The following ZW10 variants were observed in gnomAD, a reference collection of about 807,000 sequenced individuals.
ZW10 encodes centromere/kinetochore protein zw10 homolog.
In ZW10, 53 loss-of-function variants were observed where a neutral mutation model predicts 87.8. That is an observed-to-expected ratio of 0.60 (90% CI 0.48 to 0.76). ZW10 has a LOEUF of 0.76. Ranked by LOEUF, ZW10 falls within the 30% of genes least tolerant of loss-of-function variation. The probability of loss-of-function intolerance (pLI) is 0.00; values close to 1 mark genes in which losing one functional copy is unlikely to be tolerated. For missense variants in ZW10, 837 were observed against 923.0 expected (o/e 0.91, Z 1.21); for synonymous variants, 312 against 329.2 (o/e 0.95, Z 0.57).
rs182971822 is a variant in ZW10 at position 113,733,483 on chromosome 11, A to T, written c.*211T>A. 1.4e-5 allele frequency: 8 copies of T among 560,038 alleles called. No individual in the cohort carries two copies. Among genetic ancestry groups the T allele is most frequent in the Non-Finnish European group, 2.5e-5 (8 of 324,042 alleles). 34.7% of individuals were successfully genotyped at this position (560,038 alleles called of 1,614,324 possible). On this transcript the variant is annotated 3_prime_UTR_variant, in exon 16 of 16. Coordinates refer to ENST00000200135, the MANE Select transcript of ZW10 (RefSeq NM_004724.4). ...AGATGGCTAGAAAGTCAATGAATTG[A>T]GGTGCTTTACTTGACAATTTATCTT...
At chr11:113,751,241 G>C (rs1447975693) in intron 7 of ZW10, 2 of 298,088 alleles carry the variant, frequency 6.7e-6, no homozygotes, top group Non-Finnish European at 1.4e-5. Context: ...CGAGAATCCT[G>C]GCTGAATTTT....
At chr11:113,758,827 A>C in intron 5 of ZW10, 121 bp from the exon 6 acceptor site, 1 of 904,016 alleles carries the variant, frequency 1.1e-6, no homozygotes, top group South Asian at 1.8e-5. Flanking sequence ...CTCCTAATGC[A>C]ACCAAATATG....
At position 113,743,953 on chromosome 11, in the gene ZW10, G is replaced by T. The variant is rs761474430; in HGVS notation, c.1360C>A (p.Gln454Lys). The T allele has an allele frequency of 6.2e-7, 1 of 1,614,198 alleles. No homozygotes were observed. The highest frequency in any genetic ancestry group is 8.5e-7 in the Non-Finnish European group (1 of 1,180,022). The change falls in exon 10 of 16, where the codon CAG (glutamine) becomes AAG (lysine). Residue 454 changes from glutamine (Q) to lysine (K), a missense_variant. Transcript: ENST00000200135. The stretch of plus-strand genomic sequence containing the variant: ...TCTAAATTCATCACTTCGTGGTACT[G>T]AGTATTGGATACTTTCTGTACTTCC... ...KLEVQKVSNT[Q>K]YHEVMNLEPE...
rs61762985 is a variant in ZW10, at chr11:113,739,281, C to G, written c.1685G>C (p.Arg562Pro). 6.2e-7 allele frequency: 1 copy of G among 1,613,964 alleles called. No individual in the cohort carries two copies. The highest frequency in any genetic ancestry group is 1.7e-5 in the Admixed American group (1 of 59,988). Residue 562 changes from arginine to proline, a missense_variant, in exon 12 of 16, where the codon CGT (arginine) becomes CCT (proline). Coordinates refer to ENST00000200135, the MANE Select transcript of ZW10 (RefSeq NM_004724.4). The part of the protein sequence containing the change: ...LLTLGHQFRL[R>P]LAPILCDGTA... ...GCCATCACAAAGAATGGGGGCAAGA[C>G]GCAATCTGAACTGATGCCCGAGGGT...
Position 113,757,798 on chromosome 11 carries a change from A to G in ZW10, c.789T>C (p.His263=). 6.2e-7 allele frequency: 1 copy of G among 1,613,598 alleles called. No individual in the cohort carries two copies. Among genetic ancestry groups the G allele is most frequent in the Non-Finnish European group, 8.5e-7 (1 of 1,179,648 alleles). Residue 263 remains histidine, a synonymous_variant, in exon 7 of 16, where the codon CAT becomes CAC. Coordinates refer to ENST00000200135, the MANE Select transcript of ZW10 (RefSeq NM_004724.4). ...LRPLASCPSL[H]AVIESQPNIV... is the part of the protein sequence containing the mutation. ...TGTTAGGCTGGCTTTCTATCACAGC[A>G]TGAAGGGATGGGCAAGATGCCAGCG...
chr11:113,745,720 C>T (rs1953670749), intron 9 of ZW10, among the ~76,000 whole-genome samples: 1 of 152,176 alleles, frequency 6.6e-6, no homozygotes, highest in Admixed American at 6.5e-5. Flanking sequence ...AGTAAGATGT[C>T]TCTTAAGACA....
At chr11:113,763,874 T>C (rs887036509) in intron 2 of ZW10, among the ~76,000 whole-genome samples, 1 of 152,218 alleles carries the variant, frequency 6.6e-6, no homozygotes, top group Non-Finnish European at 1.5e-5. Context: ...TTAGATCCCA[T>C]TTGTCAATTT....
chr11:113,758,124 G>GATC, intron 6 of ZW10, among the ~76,000 whole-genome samples: 1 of 151,812 alleles, frequency 6.6e-6, no homozygotes, highest in East Asian at 1.9e-4. Flanking sequence ...AGTAAGCTGA[G>GATC]ATCATGCCAT....
intron 9 of ZW10, among the ~76,000 whole-genome samples, chr11:113,745,253 T>C (rs1953666513): frequency 6.6e-6 from 1 of 150,924 alleles, no homozygotes; most frequent in South Asian, 2.1e-4. Flanking sequence ...ATAAATAATA[T>C]ACTAATAATG....
chr11:113,743,868 G>A lies in ZW10; in HGVS notation c.1445C>T (p.Ser482Phe). 1.2e-6 allele frequency: 2 copies of A among 1,614,140 alleles called. No homozygotes were observed. Among genetic ancestry groups the A allele is most frequent in the Non-Finnish European group, 8.5e-7 (1 of 1,180,032 alleles). The change falls in exon 10 of 16, where the codon TCT becomes TTT. Residue 482 changes from serine to phenylalanine, a missense_variant. Coordinates refer to ENST00000200135, the MANE Select transcript of ZW10 (RefSeq NM_004724.4). ...FSLPTCRISE[S>F]VKKLMELAYQ... is the part of the protein sequence containing the mutation. ...GGCGAGTTCCATTAATTTCTTCACA[G>A]ACTCACTGATACGGCATGTGGGCAA... is the stretch of plus-strand genomic sequence containing the variant.
intron 11 of ZW10, 26 bp downstream of exon 11, chr11:113,741,668 T>G: frequency 6.8e-7 from 1 of 1,469,858 alleles, no homozygotes; most frequent in South Asian, 1.3e-5. Flanking sequence ...AATTATTATA[T>G]AGAAATGAGA....
chr11:113,738,828 TG>T (rs1953580409), intron 12 of ZW10, among the ~76,000 whole-genome samples: 3 of 152,130 alleles, frequency 2.0e-5, no homozygotes, highest in Non-Finnish European at 2.9e-5. Context: ...AGATGTAAGA[TG>T]GGGGAGCTGT....
Position 113,760,921 on chromosome 11 carries a change from A to G in ZW10, c.241-3T>C. ...GATACGTGAAGATCCCGGCGGACCT[A>G]ATTCACACATCAAAAACAAGTACTT... On this transcript the variant is annotated splice_region_variant and splice_polypyrimidine_tract_variant and intron_variant, in intron 2 of 15. Transcript: ENST00000200135. The G allele has an allele frequency of 6.2e-7, 1 of 1,613,140 alleles. No homozygotes were observed. Among genetic ancestry groups the G allele is most frequent in the Non-Finnish European group, 8.5e-7 (1 of 1,179,486 alleles).
chr11:113,741,658 A>G, intron 11 of ZW10, 36 bp downstream of exon 11: 2 of 1,386,852 alleles, frequency 1.4e-6, no homozygotes, highest in South Asian at 2.8e-5. Context: ...TTAGACATAC[A>G]ATTATTATAT....
chr11:113,754,659 G>A (rs529778758), intron 7 of ZW10, among the ~76,000 whole-genome samples: 1 of 152,134 alleles, frequency 6.6e-6, no homozygotes, highest in African/African-American at 2.4e-5. Context: ...TTACCCAGGA[G>A]TGCAGTAACG....
At chr11:113,757,996 A>AT (rs1470020243) in intron 6 of ZW10, 143 bp from the exon 7 acceptor site, 1 of 565,084 alleles carries the variant, frequency 1.8e-6, no homozygotes, top group Non-Finnish European at 2.9e-6. Context: ...ACATGGTGAG[A>AT]TCCCGTCTCT....
chr11:113,747,762 T>C (rs1272921708), intron 8 of ZW10, 49 bp from the exon 9 acceptor site: 2 of 1,406,380 alleles, frequency 1.4e-6, no homozygotes, highest in South Asian at 1.5e-5. Context: ...ATATATTCCA[T>C]TACAATATTA....
In ZW10 at chr11:113,757,812, A is replaced by G; in HGVS notation, c.775T>C (p.Cys259Arg). 1 of 1,612,852 alleles carries G rather than the reference A, an allele frequency of 6.2e-7. No homozygotes were observed. The highest frequency in any genetic ancestry group is 1.1e-5 in the South Asian group (1 of 90,930). ...TCTATCACAGCATGAAGGGATGGGC[A>G]AGATGCCAGCGGCCTAAGGATATAC... ...LKYILRPLAS[C>R]PSLHAVIESQ... is the part of the protein sequence containing the mutation. The change falls in exon 7 of 16, where the codon TGC becomes CGC. Residue 259 changes from cysteine (C) to arginine (R), a missense_variant. Coordinates refer to ENST00000200135, the MANE Select transcript of ZW10 (RefSeq NM_004724.4).
intron 2 of ZW10, among the ~76,000 whole-genome samples, chr11:113,767,911 C>T (rs1953924893): frequency 6.6e-6 from 1 of 152,204 alleles, no homozygotes; most frequent in African/African-American, 2.4e-5. Flanking sequence ...CTACTTACAA[C>T]ACTCTTCCTT....
Sources: gnomAD v4.1 joint callset for allele counts (sites outside exome capture counted in the v4.1 genomes callset) on GRCh38, gnomAD v4.1.1 for gene constraint, MANE v1.5 for transcripts, NCBI Gene and HGNC (gene_info 2026-07-23, HGNC 2026-07-21) for gene names.